The following GRM7 variants were observed in gnomAD, a reference collection of about 807,000 sequenced individuals.
The protein encoded by GRM7 is glutamate metabotropic receptor 7, also known as metabotropic glutamate receptor 7.
In GRM7, 35 loss-of-function variants were observed where a neutral mutation model predicts 84.5. That is an observed-to-expected ratio of 0.41 (90% confidence interval 0.32 to 0.55). The LOEUF (loss-of-function observed/expected upper bound fraction) is 0.55. Among genes scored for constraint, GRM7 ranks in the 20% least tolerant of loss-of-function variants. The pLI is 0.19. For synonymous variants in GRM7, 487 were observed against 455.1 expected (o/e 1.07, Z -0.89); for missense variants, 1,003 against 1,194.6 (o/e 0.84, Z 2.36).
Position 7,217,701 on chromosome 3 carries a change from T to G in GRM7, c.736+71033T>G, listed in dbSNP as rs1322127752. Among the ~76,000 whole-genome samples, 3 of 138,784 alleles carry G rather than the reference T, an allele frequency of 2.2e-5. No individual in the cohort carries two copies. In the East Asian group the frequency reaches 5.9e-4, roughly 27 times the overall value. The allele number at this position is 138,784 out of a possible 152,430, so 91.0% of individuals were successfully genotyped here. A position where few individuals can be genotyped will look rare whatever the true frequency, so the allele number is the denominator to read the frequency against. ...AAGCTAGAATATAAATATTTTATAA[T>G]ATAAAATATTATATTTACTAATTAT... On this transcript the variant is annotated intron_variant, in intron 2 of 9. Transcript: ENST00000357716.
chr3:7,089,078 C>A (rs1698567873), intron 1 of GRM7, among the ~76,000 whole-genome samples: 2 of 152,240 alleles, frequency 1.3e-5, no homozygotes, highest in Admixed American at 6.5e-5. Flanking sequence ...TTGTTTTAAT[C>A]TCTCTGTTTT....
intron 2 of GRM7, among the ~76,000 whole-genome samples, chr3:7,249,712 CTG>C (rs759288599): frequency 1.3e-5 from 2 of 151,882 alleles, no homozygotes; most frequent in African/African-American, 2.4e-5. Context: ...GAAAAAAAAA[CTG>C]TGGAAATTAA....
intron 1 of GRM7, among the ~76,000 whole-genome samples, chr3:6,988,380 C>T (rs1694508736): frequency 6.6e-6 from 1 of 151,894 alleles, no homozygotes; most frequent in Non-Finnish European, 1.5e-5. Flanking sequence ...GGGTGGCTCT[C>T]AGGAGTTCCA....
chr3:6,880,697 C>A (rs1292649928), intron 1 of GRM7, among the ~76,000 whole-genome samples: 1 of 152,154 alleles, frequency 6.6e-6, no homozygotes, highest in Non-Finnish European at 1.5e-5. Context: ...AATCCTTCAG[C>A]ATTCCATCTC....
chr3:7,277,641 T>C (rs1699121345), intron 2 of GRM7, among the ~76,000 whole-genome samples: 2 of 152,174 alleles, frequency 1.3e-5, no homozygotes, highest in South Asian at 4.1e-4. Context: ...TTTTCTTCTT[T>C]TTAATTTGTT....
intron 7 of GRM7, among the ~76,000 whole-genome samples, chr3:7,522,486 C>A (rs1282797260): frequency 6.6e-6 from 1 of 152,094 alleles, no homozygotes; most frequent in African/African-American, 2.4e-5. Flanking sequence ...GACACCTGCC[C>A]TCCTCCCCAC....
chr3:7,182,504 A>G (rs1695373864), intron 2 of GRM7, among the ~76,000 whole-genome samples: 1 of 152,088 alleles, frequency 6.6e-6, no homozygotes, highest in South Asian at 2.1e-4. Flanking sequence ...GAGGAAAGTC[A>G]AAAAAATAAA....
chr3:7,520,777 G>T (rs1413435493), intron 7 of GRM7, among the ~76,000 whole-genome samples: 1 of 152,136 alleles, frequency 6.6e-6, no homozygotes, highest in Admixed American at 6.5e-5. Context: ...ATTTCCCTGA[G>T]GGAGATCATC....
intron 1 of GRM7, among the ~76,000 whole-genome samples, chr3:7,014,048 G>A (rs1174869964): frequency 6.6e-6 from 1 of 151,962 alleles, no homozygotes; most frequent in Non-Finnish European, 1.5e-5. Flanking sequence ...TTTTGGTGGG[G>A]GCAAGAATAT....
At chr3:7,495,846 C>G (rs1699684323) in intron 7 of GRM7, among the ~76,000 whole-genome samples, 1 of 152,172 alleles carries the variant, frequency 6.6e-6, no homozygotes, top group African/African-American at 2.4e-5. Context: ...TCCTCTAGTC[C>G]TTGGTTCCCA....
chr3:7,649,920 T>C (rs937451006), intron 8 of GRM7, among the ~76,000 whole-genome samples: 5 of 152,274 alleles, frequency 3.3e-5, no homozygotes, highest in South Asian at 2.1e-4. Context: ...GCTAATTTCA[T>C]AGTGGTGATA....
At chr3:6,935,997 C>G (rs892314906) in intron 1 of GRM7, among the ~76,000 whole-genome samples, 5 of 152,280 alleles carry the variant, frequency 3.3e-5, no homozygotes, top group Admixed American at 6.5e-5. Context: ...GTGTGAGCCA[C>G]CACTCCCAGC....
rs192699403 is a variant in GRM7, at chr3:7,568,798, G to A, written c.1516-9624G>A. On this transcript the variant is annotated intron_variant, in intron 7 of 9. Coordinates refer to ENST00000357716, the MANE Select transcript of GRM7 (RefSeq NM_000844.4). ...AACAGTACCGGCCCACTGGCGCTGC[G>A]CTTGATTTCTTGCCGGGCCTTAGCT... is the stretch of plus-strand genomic sequence containing the variant. Among the ~76,000 whole-genome samples, 313 of 152,240 alleles carry A rather than the reference G, an allele frequency of 2.1e-3. 1 individual carries two copies. Among genetic ancestry groups the A allele is most frequent in the African/African-American group, 7.3e-3 (304 of 41,558 alleles).
chr3:7,463,048 A>T (rs1037631154), intron 7 of GRM7, among the ~76,000 whole-genome samples: 6 of 152,222 alleles, frequency 3.9e-5, no homozygotes, highest in African/African-American at 1.4e-4. Flanking sequence ...TATAACCTGG[A>T]TGACACACTC....
intron 1 of GRM7, among the ~76,000 whole-genome samples, chr3:6,881,918 GAAT>G (rs1189897017): frequency 1.0e-5 from 1 of 97,206 alleles, no homozygotes; most frequent in Admixed American, 1.2e-4. Flanking sequence ...TAAGGCAATT[GAAT>G]TGTGTGTGTG....
chr3:7,713,900 G>A (rs762398581), intron 9 of GRM7, among the ~76,000 whole-genome samples: 2 of 144,302 alleles, frequency 1.4e-5, no homozygotes, highest in Non-Finnish European at 3.0e-5. Flanking sequence ...ATTTAGTTAA[G>A]TAGCTGATGG....
intron 1 of GRM7, among the ~76,000 whole-genome samples, chr3:6,914,053 G>A (rs925404032): frequency 4.6e-5 from 7 of 152,082 alleles, no homozygotes; most frequent in South Asian, 2.1e-4. Flanking sequence ...CCTGTGGTAC[G>A]AATTGTTTTC....
intron 7 of GRM7, among the ~76,000 whole-genome samples, chr3:7,527,653 A>G (rs1018439087): frequency 6.6e-6 from 1 of 151,886 alleles, no homozygotes; most frequent in African/African-American, 2.4e-5. Flanking sequence ...GTAGTATGAT[A>G]TTGGCTATGG....
chr3:7,301,235 C>G (rs1366081941), intron 3 of GRM7, among the ~76,000 whole-genome samples: 1 of 152,134 alleles, frequency 6.6e-6, no homozygotes, highest in Non-Finnish European at 1.5e-5. Context: ...ATTCCCTTCT[C>G]CAGTTCCGGA....
Sources: allele counts gnomAD v4.1 joint callset (sites outside exome capture counted in the v4.1 genomes callset), GRCh38; gene constraint gnomAD v4.1.1; transcripts MANE v1.5; gene names NCBI Gene and HGNC (gene_info 2026-07-23, HGNC 2026-07-21).